The following CLCA2 variants were observed in gnomAD, a reference collection of about 807,000 sequenced individuals.
CLCA2 encodes the protein calcium-activated chloride channel regulator 2.
Under a neutral mutation model 82.9 loss-of-function variants are expected in CLCA2, and 85 were observed. The observed-to-expected ratio is 1.03, with a 90% CI of 0.86 to 1.23. The LOEUF is 1.23. Among genes scored for constraint, CLCA2 ranks in the 50% most tolerant of loss-of-function variants. The pLI, the probability that CLCA2 is intolerant of heterozygous loss-of-function variation, is 0.00. For synonymous variants in CLCA2, 421 were observed against 391.7 expected (o/e 1.07, Z -0.88); for missense variants, 1,089 against 1,124.8 (o/e 0.97, Z 0.45).
chr1:86,453,281 G>T, intron 12 of CLCA2, 88 bp from the exon 13 acceptor site: 2 of 940,348 alleles, frequency 2.1e-6, no homozygotes, highest in Non-Finnish European at 3.2e-6. Context: ...AGAAAAAAAG[G>T]TTTAAGAAAG....
At chr1:86,436,363 C>CCCTCCCTA in intron 6 of CLCA2, among the ~76,000 whole-genome samples, 1 of 152,328 alleles carries the variant, frequency 6.6e-6, no homozygotes. Context: ...CTGCCTTCCT[C>CCCTCCCTA]CCTCCCTACC....
intron 9 of CLCA2, 102 bp downstream of exon 9, chr1:86,441,645 T>G: frequency 2.7e-6 from 2 of 739,622 alleles, no homozygotes; most frequent in Admixed American, 2.1e-5. Flanking sequence ...TAACCTTACT[T>G]GAATATGTAA....
intron 3 of CLCA2, among the ~76,000 whole-genome samples, chr1:86,430,429 G>T (rs1662472790): frequency 6.6e-6 from 1 of 152,064 alleles, no homozygotes; most frequent in African/African-American, 2.4e-5. Flanking sequence ...AAAAAAGCAG[G>T]TCTGCTTGGA....
At chr1:86,424,605 T>A (rs1426287465) in intron 1 of CLCA2, among the ~76,000 whole-genome samples, 172 bp downstream of exon 1, 1 of 152,234 alleles carries the variant, frequency 6.6e-6, no homozygotes, top group Non-Finnish European at 1.5e-5. Flanking sequence ...TTTGTTCATC[T>A]AATTCTGTGT....
rs779107982 is a variant in CLCA2 at position 86,443,910 on chromosome 1, A to T, written c.1612A>T (p.Ile538Phe). 8.1e-6 allele frequency: 13 copies of T among 1,613,378 alleles called. No homozygotes were observed. The South Asian group carries it at 1.4e-4, about 18-fold the overall frequency. Residue 538 changes from isoleucine (I) to phenylalanine (F), a missense_variant, in exon 10 of 14, where the codon ATT (isoleucine) becomes TTT (phenylalanine). Ile to Phe is a conservative substitution (Grantham distance 21). Transcript: ENST00000370565. ...GTGGCAGGCCAGTGGTCCTCCTGAG[A>T]TTATATTATTTGATCCTGATGGACG... ...VTWQASGPPE[I>F]ILFDPDGRKY...
At chr1:86,433,540 C>T (rs1662541345) in intron 5 of CLCA2, among the ~76,000 whole-genome samples, 1 of 152,224 alleles carries the variant, frequency 6.6e-6, no homozygotes, top group Admixed American at 6.5e-5. Context: ...ATTCGATCCA[C>T]ATTATTTATG....
intron 11 of CLCA2, among the ~76,000 whole-genome samples, chr1:86,450,123 G>A (rs901668880): frequency 6.6e-6 from 1 of 152,052 alleles, no homozygotes; most frequent in African/African-American, 2.4e-5. Context: ...TGACTTCAAG[G>A]CATTCATAAA....
rs759451106 is a variant in CLCA2 at position 86,447,516 on chromosome 1, C to T, written c.1722C>T (p.His574=). ...TAAGACTTGTTTTACAGCCTGGGCACTGGACTTACACCCTGAACAATACCC... is the reference window on the plus strand; with the variant it reads ...TAAGACTTGTTTTACAGCCTGGGCATTGGACTTACACCCTGAACAATACCC... ...LWIPGTAKPG[H]WTYTLNNTHH... is the part of the protein sequence containing the mutation. The change falls in exon 11 of 14, where the codon CAC becomes CAT. Residue 574 remains histidine (H), a synonymous_variant. Transcript: ENST00000370565. The T allele has an allele frequency of 6.2e-7, 1 of 1,613,576 alleles. No individual in the cohort carries two copies. Among genetic ancestry groups the T allele is most frequent in the Admixed American group, 1.7e-5 (1 of 59,972 alleles).
chr1:86,437,882 T>C (rs1001103617), intron 6 of CLCA2, among the ~76,000 whole-genome samples: 5 of 150,734 alleles, frequency 3.3e-5, no homozygotes, highest in African/African-American at 7.4e-5. Flanking sequence ...ATTTTGCAGA[T>C]GAGAAAACTG....
Position 86,455,070 on chromosome 1 carries a change from AT to A in CLCA2, c.2390-9del. ...AAAGTGACTTAATTTTCCTATTTAT[AT>A]TTTTTAATTTCAGCTACAAGCTATG... On this transcript the variant is annotated splice_polypyrimidine_tract_variant and intron_variant, in intron 13 of 13. Coordinates refer to ENST00000370565, the MANE Select transcript of CLCA2 (RefSeq NM_006536.7). 1 of 1,426,328 alleles carries A rather than the reference AT, an allele frequency of 7.0e-7. No homozygotes were observed. The highest frequency in any genetic ancestry group is 9.4e-7 in the Non-Finnish European group (1 of 1,064,206). 88.4% of individuals were successfully genotyped at this position (1,426,328 alleles called of 1,614,324 possible).
Position 86,434,538 on chromosome 1 carries a change from A to G in CLCA2, c.765A>G (p.Ala255=). Residue 255 remains alanine, a synonymous_variant, in exon 6 of 14, where the codon GCA becomes GCG. Transcript: ENST00000370565. ...SLSSVVEFCN[A]STHNQEAPNL... ...TCCAGGTGGTTGAATTTTGTAATGC[A>G]AGTACCCACAACCAAGAAGCACCAA... 1 of 1,614,050 alleles carries G rather than the reference A, an allele frequency of 6.2e-7. No individual in the cohort carries two copies. The highest frequency in any genetic ancestry group is 8.5e-7 in the Non-Finnish European group (1 of 1,179,956).
At position 86,441,543 on chromosome 1, in the gene CLCA2, G is replaced by A. The variant is rs749414235; in HGVS notation, c.1488G>A (p.Gln496=). Residue 496 remains glutamine (Q), a splice_region_variant and synonymous_variant, in exon 9 of 14, where the codon CAG becomes CAA. Transcript: ENST00000370565. ...GTGDIFQQHI[Q]LESTGENVKP... ...GAGACATTTTCCAGCAACATATTCAGGTCAGAATTTTCTCAATGTTATATT... is the reference window on the plus strand; with the variant it reads ...GAGACATTTTCCAGCAACATATTCAAGTCAGAATTTTCTCAATGTTATATT... The A allele has an allele frequency of 1.9e-6, 3 of 1,597,144 alleles. No homozygotes were observed. In the East Asian group the frequency reaches 6.7e-5, roughly 36 times the overall value.
intron 13 of CLCA2, among the ~76,000 whole-genome samples, chr1:86,454,228 A>AT (rs1181337480): frequency 6.6e-6 from 1 of 152,054 alleles, no homozygotes; most frequent in Admixed American, 6.6e-5. Flanking sequence ...CAGAAATTGT[A>AT]TTTTTCCCCC....
At position 86,432,512 on chromosome 1, in the gene CLCA2, T is replaced by C; in HGVS notation, c.728T>C (p.Met243Thr). Reference protein sequence around the residue: ...TQNATASIMFMQSLSSVVEFC... With the variant: ...TQNATASIMFTQSLSSVVEFC... ...AATGCAACTGCATCAATAATGTTCATGCAAAGTTTATCTTCTGTAAGTATG... is the reference window on the plus strand; with the variant it reads ...AATGCAACTGCATCAATAATGTTCACGCAAAGTTTATCTTCTGTAAGTATG... The change falls in exon 5 of 14, where the codon ATG (methionine) becomes ACG (threonine). Residue 243 changes from methionine (M) to threonine (T), a missense_variant. Coordinates refer to ENST00000370565, the MANE Select transcript of CLCA2 (RefSeq NM_006536.7). 6.2e-7 allele frequency: 1 copy of C among 1,613,844 alleles called. No individual in the cohort carries two copies. Among genetic ancestry groups the C allele is most frequent in the Non-Finnish European group, 8.5e-7 (1 of 1,179,918 alleles).
intron 3 of CLCA2, among the ~76,000 whole-genome samples, chr1:86,430,547 T>A (rs1662475446): frequency 1.3e-5 from 2 of 152,170 alleles, no homozygotes; most frequent in South Asian, 4.1e-4. Flanking sequence ...AATAGAAACC[T>A]GTTGGGCAGC....
At chr1:86,446,914 AAAT>A (rs1371539734) in intron 10 of CLCA2, among the ~76,000 whole-genome samples, 8 of 152,180 alleles carry the variant, frequency 5.3e-5, no homozygotes, top group Non-Finnish European at 1.2e-4. Flanking sequence ...TAAATTACCC[AAAT>A]TAGATATTGT....
rs1558109636 is a variant in CLCA2 at position 86,438,944 on chromosome 1, C to T, written c.1041C>T (p.Thr347=). 2 of 1,614,052 alleles carry T rather than the reference C, an allele frequency of 1.2e-6. No homozygotes were observed. The highest frequency in any genetic ancestry group is 8.5e-7 in the Non-Finnish European group (1 of 1,179,988). The part of the protein sequence containing the change: ...FYLMQIVEIH[T]FVGIASFDSK... ...TGATGCAGATTGTTGAAATTCATACCTTCGTGGGCATTGCCAGTTTCGACA... is the reference window on the plus strand; with the variant it reads ...TGATGCAGATTGTTGAAATTCATACTTTCGTGGGCATTGCCAGTTTCGACA... Residue 347 remains threonine, a synonymous_variant, in exon 7 of 14, where the codon ACC becomes ACT. Coordinates refer to ENST00000370565, the MANE Select transcript of CLCA2 (RefSeq NM_006536.7).
chr1:86,425,904 C>T (rs1243463031), intron 2 of CLCA2, among the ~76,000 whole-genome samples: 1 of 152,146 alleles, frequency 6.6e-6, no homozygotes, highest in African/African-American at 2.4e-5. Flanking sequence ...AATATGACTG[C>T]CATCTTATGC....
chr1:86,444,821 G>T (rs1662813043), intron 10 of CLCA2, among the ~76,000 whole-genome samples: 1 of 152,166 alleles, frequency 6.6e-6, no homozygotes, highest in Non-Finnish European at 1.5e-5. Flanking sequence ...AAGTTGATCA[G>T]ATTCACTCTT....
Sources: allele counts gnomAD v4.1 joint callset (sites outside exome capture counted in the v4.1 genomes callset), GRCh38; gene constraint gnomAD v4.1.1; transcripts MANE v1.5; gene names NCBI Gene and HGNC (gene_info 2026-07-23, HGNC 2026-07-21).